RAI1: variants seen among roughly 807,000 people sequenced by gnomAD.
RAI1 encodes retinoic acid induced 1.
RAI1 carries 9 observed loss-of-function variants against 123.8 expected under a neutral mutation model. The observed-to-expected ratio is 0.07, with a 90% CI of 0.04 to 0.13. RAI1 has a LOEUF of 0.13. Among genes scored for constraint, RAI1 ranks in the 10% least tolerant of loss-of-function variants. RAI1 has a pLI of 1.00. For synonymous variants in RAI1, 1,231 were observed against 1,127.3 expected (o/e 1.09, Z -1.84); for missense variants, 2,256 against 2,545.8 (o/e 0.89, Z 2.45).
intron 1 of RAI1, among the ~76,000 whole-genome samples, chr17:17,686,887 G>T (rs1302228641): frequency 2.0e-5 from 3 of 152,118 alleles, no homozygotes; most frequent in Admixed American, 6.5e-5. Context: ...GTGTTCTCTT[G>T]CTTGGCTCCA....
chr17:17,749,137 G>T (rs1052794348), intron 2 of RAI1, among the ~76,000 whole-genome samples: 2 of 152,236 alleles, frequency 1.3e-5, no homozygotes, highest in African/African-American at 4.8e-5. Flanking sequence ...GCCAGCATCT[G>T]CCCGTCAGCA....
At chr17:17,716,738 T>C (rs1477536000) in intron 1 of RAI1, among the ~76,000 whole-genome samples, 2 of 145,774 alleles carry the variant, frequency 1.4e-5, no homozygotes, top group Non-Finnish European at 3.0e-5. Flanking sequence ...CTGGCCCACA[T>C]ATGCTGGCCC....
In RAI1 at chr17:17,793,545, C is replaced by T; in HGVS notation, c.597C>T (p.Ser199=). 6.2e-7 allele frequency: 1 copy of T among 1,614,014 alleles called. No homozygotes were observed. The highest frequency in any genetic ancestry group is 8.5e-7 in the Non-Finnish European group (1 of 1,180,026). The stretch of plus-strand genomic sequence containing the variant: ...AGAAGCTGCAGAACGACATTGCCTC[C>T]CCTCTGCCCTTCCCCCAGGGTACCC... ...QRQKLQNDIA[S]PLPFPQGTHF... Residue 199 remains serine (S), a synonymous_variant, in exon 3 of 6, where the codon TCC becomes TCT. Transcript: ENST00000353383.
rs911117079 is a variant in RAI1, at chr17:17,799,928, G to A, written c.5565+1415G>A. ...GGGGCCCACTGTGTTTGCCACCCAC[G>A]CCTCCTAGTGTGTGTCTTGGGCACC... On this transcript the variant is annotated intron_variant, in intron 3 of 5. Transcript: ENST00000353383. This position sits in a 1 kb window ranked among gnomAD's most constrained non-coding sequence, Gnocchi z 4.5. 2.6e-5 allele frequency among the ~76,000 whole-genome samples: 4 copies of A among 152,160 alleles called. No individual in the cohort carries two copies. The highest frequency in any genetic ancestry group is 4.4e-5 in the Non-Finnish European group (3 of 68,018).
rs2032275642 is a variant in RAI1 at position 17,796,805 on chromosome 17, G to A, written c.3857G>A (p.Gly1286Asp). 1 of 1,611,298 alleles carries A rather than the reference G, an allele frequency of 6.2e-7. No homozygotes were observed. The highest frequency in any genetic ancestry group is 1.7e-5 in the Admixed American group (1 of 59,918). The part of the protein sequence containing the change: ...PKKAKPTKGN[G>D]EPATKLPPPE... ...AAAGCCAAGCCCACCAAGGGCAATG[G>A]CGAGCCTGCCACAAAGCTCCCACCC... The change falls in exon 3 of 6, where the codon GGC becomes GAC. Residue 1286 changes from glycine to aspartate, a missense_variant. Around this residue, in one of 7 missense-constraint regions of RAI1, gnomAD observed 322 missense variants for 358.0 expected, o/e 0.90. Transcript: ENST00000353383. This position sits in a 1 kb window ranked among gnomAD's most constrained non-coding sequence, Gnocchi z 5.8.
chr17:17,784,327 G>T (rs545046245), intron 2 of RAI1, among the ~76,000 whole-genome samples: 1 of 152,360 alleles, frequency 6.6e-6, no homozygotes, highest in South Asian at 2.1e-4. Context: ...TTCCGCCTAG[G>T]CTGGGGAAGG....
At position 17,797,658 on chromosome 17, in the gene RAI1, C is replaced by G; in HGVS notation, c.4710C>G (p.Pro1570=). The G allele has an allele frequency of 6.2e-7, 1 of 1,613,876 alleles. No homozygotes were observed. Among genetic ancestry groups the G allele is most frequent in the Non-Finnish European group, 8.5e-7 (1 of 1,179,990 alleles). ...AGCAGCAGGTGCTGCCCCTGGATCCCGCAGAGCCTGAAATCCGCCTCAAGT... is the reference window on the plus strand; with the variant it reads ...AGCAGCAGGTGCTGCCCCTGGATCCGGCAGAGCCTGAAATCCGCCTCAAGT... ...RRQQQVLPLD[P]AEPEIRLKYI... is the part of the protein sequence containing the mutation. Residue 1570 remains proline, a synonymous_variant, in exon 3 of 6, where the codon CCC becomes CCG. Transcript: ENST00000353383.
At chr17:17,716,268 C>A (rs1010922562) in intron 1 of RAI1, among the ~76,000 whole-genome samples, 1 of 152,340 alleles carries the variant, frequency 6.6e-6, no homozygotes, top group African/African-American at 2.4e-5. Flanking sequence ...CCCAGAGATA[C>A]CCATGAGCCC....
rs775376926 is a variant in RAI1, at chr17:17,798,363, T to C, written c.5415T>C (p.His1805=). 3 of 1,607,950 alleles carry C rather than the reference T, an allele frequency of 1.9e-6. No individual in the cohort carries two copies. The highest frequency in any genetic ancestry group is 2.5e-6 in the Non-Finnish European group (3 of 1,177,454). Residue 1805 remains histidine, a synonymous_variant, in exon 3 of 6, where the codon CAT becomes CAC. Coordinates refer to ENST00000353383, the MANE Select transcript of RAI1 (RefSeq NM_030665.4). ...CCCCAGCCGACAAGGGTCGCAAACA[T>C]GAGTGCAGCAAGGAGGCTCCGGCAG... ...EAAPADKGRK[H]ECSKEAPAEP...
chr17:17,793,907 G>T lies in RAI1; in HGVS notation c.959G>T (p.Gly320Val). 6.2e-7 allele frequency: 1 copy of T among 1,613,828 alleles called. No individual in the cohort carries two copies. Among genetic ancestry groups the T allele is most frequent in the Non-Finnish European group, 8.5e-7 (1 of 1,180,024 alleles). ...KYQHYGQQGQ[G>V]YCQPDAAVRT... is the part of the protein sequence containing the mutation. ...CAGCACTACGGGCAGCAAGGCCAGG[G>T]CTACTGCCAGCCGGACGCAGCCGTC... Residue 320 changes from glycine (G) to valine (V), a missense_variant, in exon 3 of 6, where the codon GGC becomes GTC. Gly to Val is a moderately radical substitution (Grantham distance 109). Coordinates refer to ENST00000353383, the MANE Select transcript of RAI1 (RefSeq NM_030665.4).
chr17:17,729,748 G>T (rs1410722931), intron 2 of RAI1, among the ~76,000 whole-genome samples: 1 of 152,206 alleles, frequency 6.6e-6, no homozygotes, highest in African/African-American at 2.4e-5. Context: ...CACAGGCCTT[G>T]GGTTTGCTGG....
At position 17,809,233 on chromosome 17, in the gene RAI1, G is replaced by A. The variant is rs2143006478; in HGVS notation, c.5660-157G>A. 1.3e-6 allele frequency: 1 copy of A among 761,186 alleles called. No homozygotes were observed. Among genetic ancestry groups the A allele is most frequent in the Non-Finnish European group, 2.4e-6 (1 of 422,880 alleles). 47.2% of individuals were successfully genotyped at this position (761,186 alleles called of 1,614,324 possible). ...CGCGCCGTGGAGTGGAGTGGAGTGTGGAGGGTTTTGTGCAGAATCTGATTA... is the reference window on the plus strand; with the variant it reads ...CGCGCCGTGGAGTGGAGTGGAGTGTAGAGGGTTTTGTGCAGAATCTGATTA... On this transcript the variant is annotated intron_variant, in intron 4 of 5. Coordinates refer to ENST00000353383, the MANE Select transcript of RAI1 (RefSeq NM_030665.4). This position sits in a 1 kb window ranked among gnomAD's most constrained non-coding sequence, Gnocchi z 4.9.
intron 2 of RAI1, among the ~76,000 whole-genome samples, chr17:17,754,664 A>C (rs1434410548): frequency 1.3e-5 from 2 of 152,240 alleles, no homozygotes; most frequent in Non-Finnish European, 2.9e-5. Flanking sequence ...TATTAAAGCC[A>C]TAACAAATAA....
chr17:17,708,326 A>G (rs1022133517), intron 1 of RAI1, among the ~76,000 whole-genome samples: 2 of 152,120 alleles, frequency 1.3e-5, no homozygotes, highest in Non-Finnish European at 2.9e-5. Context: ...TTTTTCTCCA[A>G]CAATACTTGT....
intron 2 of RAI1, among the ~76,000 whole-genome samples, chr17:17,767,885 A>G (rs1390335646): frequency 6.6e-6 from 1 of 152,014 alleles, no homozygotes; most frequent in Non-Finnish European, 1.5e-5. Flanking sequence ...TACGTAGTTG[A>G]GCCGGTAAGC....
intron 2 of RAI1, among the ~76,000 whole-genome samples, chr17:17,783,075 G>GGGGGGGCC (rs144240699): frequency 6.6e-6 from 1 of 152,146 alleles, no homozygotes; most frequent in Admixed American, 6.5e-5. Flanking sequence ...GGGGGCTGGT[G>GGGGGGGCC]GCAGCCCCCC....
intron 2 of RAI1, among the ~76,000 whole-genome samples, chr17:17,750,412 G>T (rs1439258995): frequency 6.6e-6 from 1 of 152,150 alleles, no homozygotes; most frequent in Non-Finnish European, 1.5e-5. Context: ...GACATGTTAA[G>T]GGGAAAATAC....
chr17:17,804,224 G>T, intron 4 of RAI1: 1 of 332,052 alleles, frequency 3.0e-6, no homozygotes, highest in Non-Finnish European at 5.8e-6. Flanking sequence ...AGTTCACTCA[G>T]CAGAGACAAG....
rs77785722 is a variant in RAI1, at chr17:17,702,669, C to T, written c.-149+20876C>T. 1.6e-3 allele frequency among the ~76,000 whole-genome samples: 241 copies of T among 152,338 alleles called. 1 individual carries two copies. The highest frequency in any genetic ancestry group is 5.4e-3 in the African/African-American group (226 of 41,578). ...TACTGGCATGCCTCGGGGTTCTGCC[C>T]TTGCTCTGGTCAAGGCAAGGAATGA... On this transcript the variant is annotated intron_variant, in intron 1 of 5. Transcript: ENST00000353383.
Sources: allele counts gnomAD v4.1 joint callset (sites outside exome capture counted in the v4.1 genomes callset), GRCh38; gene constraint gnomAD v4.1.1; regional missense constraint gnomAD v4.1.1; non-coding constraint Gnocchi (gnomAD v3.1); transcripts MANE v1.5; gene names NCBI Gene and HGNC (gene_info 2026-07-23, HGNC 2026-07-21).